MACROD2: variants seen among roughly 807,000 people sequenced by gnomAD.
The protein encoded by MACROD2 is ADP-ribose glycohydrolase MACROD2.
MACROD2 carries 36 observed loss-of-function variants against 70.4 expected under a neutral mutation model. The ratio of observed to expected loss-of-function variants is 0.51; its 90% CI spans 0.39 to 0.68. The LOEUF is 0.68. Ranked by LOEUF, MACROD2 falls within the 30% of genes least tolerant of loss-of-function variation. The pLI is 0.00. For missense variants in MACROD2, 496 were observed against 538.4 expected (o/e 0.92, Z 0.78); for synonymous variants, 172 against 178.8 (o/e 0.96, Z 0.30).
intron 3 of MACROD2, chr20:14,127,567 A>C: frequency 2.1e-6 from 1 of 472,792 alleles, no homozygotes; most frequent in Non-Finnish European, 4.0e-6. Flanking sequence ...AGGGAAGAGA[A>C]GAAACTTTGA....
In MACROD2 at chr20:14,900,562, T is replaced by A. The variant is rs552920048; in HGVS notation, c.418+215603T>A. On this transcript the variant is annotated intron_variant, in intron 5 of 17. Transcript: ENST00000684519. ...GTTTGCGTCTTTCTGAGATTTTTTT[T>A]AAATTTCTTCTTGCTTATCTAATTT... Among the ~76,000 whole-genome samples, 42 of 151,076 alleles carry A rather than the reference T, an allele frequency of 2.8e-4. No individual in the cohort carries two copies. The South Asian group carries it at 8.0e-3, about 29-fold the overall frequency.
chr20:15,160,084 T>TA (rs1555788445), intron 5 of MACROD2, among the ~76,000 whole-genome samples: 1 of 138,236 alleles, frequency 7.2e-6, no homozygotes, highest in East Asian at 2.2e-4. Context: ...GGAAAGTCAC[T>TA]GATACCCTTG....
intron 4 of MACROD2, among the ~76,000 whole-genome samples, chr20:14,553,408 C>CTTTTTTTTTT (rs34162149): frequency 7.8e-6 from 1 of 127,870 alleles, no homozygotes; most frequent in African/African-American, 2.8e-5. Context: ...TTCTAGTTAA[C>CTTTTTTTTTT]TTTTTTTTTT....
chr20:15,263,756 C>A (rs933397468), intron 6 of MACROD2, among the ~76,000 whole-genome samples: 5 of 151,938 alleles, frequency 3.3e-5, no homozygotes, highest in African/African-American at 1.2e-4. Context: ...ACTTCTTTGG[C>A]TAAGTTAGTT....
intron 7 of MACROD2, among the ~76,000 whole-genome samples, chr20:15,488,547 G>A (rs527264372): frequency 1.3e-5 from 2 of 152,294 alleles, no homozygotes; most frequent in South Asian, 4.1e-4. Context: ...TCCAAGGTGA[G>A]GAGTTTAGAT....
At chr20:15,730,823 A>G (rs142720892) in intron 8 of MACROD2, among the ~76,000 whole-genome samples, 1,850 of 150,574 alleles carry the variant, frequency 0.012, 22 homozygotes, top group Middle Eastern at 0.038. Flanking sequence ...AGGTCTGACA[A>G]TGAGTCATAC....
intron 8 of MACROD2, among the ~76,000 whole-genome samples, chr20:15,712,482 C>T (rs1046497866): frequency 3.9e-5 from 6 of 152,152 alleles, no homozygotes; most frequent in African/African-American, 1.4e-4. Context: ...GATCAGATTA[C>T]ACATCTTATT....
intron 3 of MACROD2, among the ~76,000 whole-genome samples, chr20:14,408,871 C>T (rs1026786701): frequency 3.9e-5 from 6 of 152,116 alleles, no homozygotes; most frequent in Non-Finnish European, 8.8e-5. Context: ...TGGCAATGAA[C>T]TATTTTTAGG....
chr20:15,988,450 A>G (rs1029346283), intron 15 of MACROD2, among the ~76,000 whole-genome samples: 5 of 152,128 alleles, frequency 3.3e-5, no homozygotes, highest in African/African-American at 1.2e-4. Context: ...AAGAAATGCA[A>G]ATGGTAAAGA....
chr20:15,740,688 A>G (rs1045599009), intron 8 of MACROD2, among the ~76,000 whole-genome samples: 3 of 151,136 alleles, frequency 2.0e-5, no homozygotes. Flanking sequence ...TCACTCCCCA[A>G]CAAAATTTAC....
At chr20:14,401,415 A>G (rs2083636760) in intron 3 of MACROD2, among the ~76,000 whole-genome samples, 1 of 152,146 alleles carries the variant, frequency 6.6e-6, no homozygotes, top group African/African-American at 2.4e-5. Flanking sequence ...AGCAAATTTT[A>G]ATTGTTACTG....
At chr20:14,685,781 G>A (rs1280246509) in intron 5 of MACROD2, among the ~76,000 whole-genome samples, 2 of 152,182 alleles carry the variant, frequency 1.3e-5, no homozygotes, top group African/African-American at 4.8e-5. Context: ...TGATACTGCT[G>A]AGATCTGTGG....
At chr20:14,509,432 G>A (rs1395111565) in intron 4 of MACROD2, among the ~76,000 whole-genome samples, 2 of 151,904 alleles carry the variant, frequency 1.3e-5, no homozygotes, top group Admixed American at 1.3e-4. Flanking sequence ...GCTATTCCTT[G>A]CCCAATAGAA....
intron 5 of MACROD2, among the ~76,000 whole-genome samples, chr20:14,940,587 T>C (rs986525077): frequency 3.9e-5 from 6 of 152,158 alleles, no homozygotes; most frequent in Admixed American, 2.0e-4. Flanking sequence ...GTATGCAGTT[T>C]TTGGAGCATT....
chr20:15,874,672 T>C (rs1303489994), intron 9 of MACROD2, among the ~76,000 whole-genome samples: 2 of 152,282 alleles, frequency 1.3e-5, no homozygotes, highest in East Asian at 1.9e-4. Context: ...CCAGCAATGA[T>C]GAGCATTTTT....
chr20:15,937,531 C>G lies in MACROD2; in HGVS notation c.894C>G (p.Asp298Glu), dbSNP rs752593200. Reference protein sequence around the residue: ...PGPASEEAVEDCKDEDFAKDE... With the variant: ...PGPASEEAVEECKDEDFAKDE... The stretch of plus-strand genomic sequence containing the variant: ...CTGCTTCAGAAGAGGCAGTTGAAGA[C>G]TGTAAAGATGAAGGTATGAGGCTAC... The change falls in exon 12 of 18, where the codon GAC becomes GAG. Residue 298 changes from aspartate to glutamate, a missense_variant. Asp to Glu is a conservative substitution (Grantham distance 45). Coordinates refer to ENST00000684519, the MANE Select transcript of MACROD2 (RefSeq NM_001351661.2). The G allele has an allele frequency of 1.9e-6, 3 of 1,613,150 alleles. No homozygotes were observed. The highest frequency in any genetic ancestry group is 2.5e-6 in the Non-Finnish European group (3 of 1,179,342).
intron 8 of MACROD2, among the ~76,000 whole-genome samples, chr20:15,840,725 T>G (rs145189262): frequency 1.4e-3 from 218 of 152,074 alleles, no homozygotes; most frequent in African/African-American, 5.1e-3. Context: ...TAAACTAGTA[T>G]CAAGTAAAAT....
At chr20:14,273,182 A>C (rs1008421119) in intron 3 of MACROD2, among the ~76,000 whole-genome samples, 1 of 152,220 alleles carries the variant, frequency 6.6e-6, no homozygotes, top group Non-Finnish European at 1.5e-5. Flanking sequence ...CCAAATCAAC[A>C]GAATGTACAT....
intron 12 of MACROD2, among the ~76,000 whole-genome samples, chr20:15,938,337 A>G (rs771078416): frequency 6.6e-6 from 1 of 152,144 alleles, no homozygotes; most frequent in Non-Finnish European, 1.5e-5. Flanking sequence ...GGAACCCTGC[A>G]TCAAGCAAGT....
Sources: gnomAD v4.1 joint callset for allele counts (sites outside exome capture counted in the v4.1 genomes callset) on GRCh38, gnomAD v4.1.1 for gene constraint, MANE v1.5 for transcripts, NCBI Gene and HGNC (gene_info 2026-07-23, HGNC 2026-07-21) for gene names.